The following UNC5D variants were observed in gnomAD, a reference collection of about 807,000 sequenced individuals.
UNC5D encodes the protein unc-5 netrin receptor D.
Under a neutral mutation model 105.4 loss-of-function variants are expected in UNC5D, and 39 were observed. The observed-to-expected ratio is 0.37, with a 90% CI of 0.29 to 0.48. UNC5D has a LOEUF of 0.48. Ranked by LOEUF, UNC5D falls within the 20% of genes least tolerant of loss-of-function variation. The pLI is 0.98. For synonymous variants in UNC5D, 452 were observed against 450.4 expected (o/e 1.00, Z -0.04); for missense variants, 991 against 1,202.4 (o/e 0.82, Z 2.60).
At chr8:35,439,293 C>T (rs1807240716) in intron 1 of UNC5D, among the ~76,000 whole-genome samples, 1 of 151,004 alleles carries the variant, frequency 6.6e-6, no homozygotes, top group Non-Finnish European at 1.5e-5. Flanking sequence ...ATGAGAGTAA[C>T]TTCTTCTTAA....
intron 1 of UNC5D, among the ~76,000 whole-genome samples, chr8:35,446,599 A>T (rs1018319158): frequency 4.6e-5 from 7 of 152,102 alleles, no homozygotes; most frequent in Non-Finnish European, 1.0e-4. Flanking sequence ...TTGTTAAATA[A>T]ATGAGTTTCA....
chr8:35,774,291 G>A lies in UNC5D; in HGVS notation c.2479-8G>A, dbSNP rs1334519014. On this transcript the variant is annotated splice_region_variant and splice_polypyrimidine_tract_variant and intron_variant, in intron 15 of 16. Transcript: ENST00000404895. ...GATCTGATCATGCGTTCCTTATTTT[G>A]TTTATAGAGTGAACGAGAAACCATC... 2 of 1,613,980 alleles carry A rather than the reference G, an allele frequency of 1.2e-6. No homozygotes were observed. The highest frequency in any genetic ancestry group is 1.1e-5 in the South Asian group (1 of 91,078).
intron 1 of UNC5D, among the ~76,000 whole-genome samples, chr8:35,318,374 G>T (rs1361902649): frequency 1.3e-5 from 2 of 152,042 alleles, no homozygotes; most frequent in Non-Finnish European, 2.9e-5. Context: ...AAAAAAAAGT[G>T]AGAACATGAT....
chr8:35,685,583 A>G (rs1162491973), intron 6 of UNC5D, among the ~76,000 whole-genome samples: 1 of 152,158 alleles, frequency 6.6e-6, no homozygotes, highest in Admixed American at 6.5e-5. Flanking sequence ...TTGGAGTTTC[A>G]TTTTGGACTT....
intron 1 of UNC5D, among the ~76,000 whole-genome samples, chr8:35,436,703 G>A (rs1807038721): frequency 6.6e-6 from 1 of 151,974 alleles, no homozygotes; most frequent in South Asian, 2.1e-4. Context: ...GTGGAGACTG[G>A]AAGACAAAAA....
At chr8:35,339,987 C>T (rs762716660) in intron 1 of UNC5D, among the ~76,000 whole-genome samples, 11 of 152,142 alleles carry the variant, frequency 7.2e-5, no homozygotes, top group Non-Finnish European at 1.5e-4. Flanking sequence ...GGTTTACACA[C>T]GTCTCCTTTA....
At chr8:35,456,861 G>A (rs1808532642) in intron 1 of UNC5D, among the ~76,000 whole-genome samples, 1 of 152,186 alleles carries the variant, frequency 6.6e-6, no homozygotes, top group South Asian at 2.1e-4. Context: ...ATTATACGAT[G>A]GATATTGGAC....
chr8:35,548,242 T>C (rs1043052594), intron 1 of UNC5D, among the ~76,000 whole-genome samples: 2 of 152,198 alleles, frequency 1.3e-5, no homozygotes, highest in African/African-American at 4.8e-5. Flanking sequence ...CACAGTGAGA[T>C]TGTTCTTCCA....
At chr8:35,467,678 G>C (rs1411358524) in intron 1 of UNC5D, among the ~76,000 whole-genome samples, 1 of 151,874 alleles carries the variant, frequency 6.6e-6, no homozygotes, top group Non-Finnish European at 1.5e-5. Context: ...GGGAGAAGAT[G>C]TGTTCTCATC....
Position 35,632,571 on chromosome 8 carries a change from T to A in UNC5D, c.570+36914T>A, listed in dbSNP as rs1308966447. ...AGCTGGGGCCTCATCCCTGTGCTGT[T>A]GCTGCTGCATGCGGAGGTAAGAGGA... On this transcript the variant is annotated intron_variant, in intron 4 of 16. Coordinates refer to ENST00000404895, the MANE Select transcript of UNC5D (RefSeq NM_080872.4). 2.6e-5 allele frequency among the ~76,000 whole-genome samples: 4 copies of A among 152,232 alleles called. No homozygotes were observed. In the East Asian group the frequency reaches 7.7e-4, roughly 29 times the overall value.
chr8:35,300,713 G>A (rs2128870394), intron 1 of UNC5D, among the ~76,000 whole-genome samples: 1 of 152,212 alleles, frequency 6.6e-6, no homozygotes, highest in East Asian at 1.9e-4. Context: ...CTGTACTTCA[G>A]TTAGTAACTT....
At chr8:35,303,087 A>C (rs1289050296) in intron 1 of UNC5D, among the ~76,000 whole-genome samples, 2 of 152,124 alleles carry the variant, frequency 1.3e-5, no homozygotes, top group Non-Finnish European at 2.9e-5. Flanking sequence ...TCAACATATA[A>C]TCAATATCAA....
At chr8:35,666,003 T>G (rs988091805) in intron 4 of UNC5D, among the ~76,000 whole-genome samples, 50 of 151,814 alleles carry the variant, frequency 3.3e-4, no homozygotes, top group African/African-American at 1.1e-3. Context: ...CCTTCTTGAA[T>G]GGATTATTAG....
chr8:35,355,564 C>A (rs1801505887), intron 1 of UNC5D, among the ~76,000 whole-genome samples: 2 of 152,266 alleles, frequency 1.3e-5, no homozygotes, highest in South Asian at 4.1e-4. Flanking sequence ...GTGAAGTATC[C>A]TCCAAGAACA....
chr8:35,634,752 CTTTTCTTTTTTTT>C (rs1352214013), intron 4 of UNC5D, among the ~76,000 whole-genome samples: 2 of 150,384 alleles, frequency 1.3e-5, no homozygotes, highest in African/African-American at 2.4e-5. Flanking sequence ...CTGGATTTTT[CTTTTCTTTTTTTT>C]TTTTCTTTCC....
At chr8:35,557,564 G>C (rs1019752410) in intron 2 of UNC5D, among the ~76,000 whole-genome samples, 1 of 152,140 alleles carries the variant, frequency 6.6e-6, no homozygotes, top group Non-Finnish European at 1.5e-5. Context: ...TTGGCCTGAA[G>C]ACATCTAAGC....
chr8:35,460,091 A>G (rs1221575653), intron 1 of UNC5D, among the ~76,000 whole-genome samples: 3 of 152,186 alleles, frequency 2.0e-5, no homozygotes, highest in Non-Finnish European at 2.9e-5. Context: ...AAGGGAAACA[A>G]TAAGCTTACT....
intron 1 of UNC5D, among the ~76,000 whole-genome samples, chr8:35,236,678 C>T (rs1327989489): frequency 1.3e-5 from 2 of 152,166 alleles, no homozygotes; most frequent in East Asian, 1.9e-4. Flanking sequence ...GGAAATTTCG[C>T]AACTGGTTTC....
intron 11 of UNC5D, among the ~76,000 whole-genome samples, chr8:35,748,084 C>A (rs936159305): frequency 3.3e-5 from 5 of 152,058 alleles, no homozygotes; most frequent in Non-Finnish European, 5.9e-5. Flanking sequence ...TATCATTTAC[C>A]AGCATTAAGA....
Sources: allele counts gnomAD v4.1 joint callset (sites outside exome capture counted in the v4.1 genomes callset), GRCh38; gene constraint gnomAD v4.1.1; transcripts MANE v1.5; gene names NCBI Gene and HGNC (gene_info 2026-07-23, HGNC 2026-07-21).